RPA1: variants seen among roughly 807,000 people sequenced by gnomAD.
The protein encoded by RPA1 is replication protein A1.
A neutral mutation model predicts 83.0 loss-of-function variants in RPA1; 49 were observed. The observed-to-expected ratio is 0.59, with a 90% CI of 0.47 to 0.75. RPA1 has a LOEUF of 0.75. RPA1 is among the 30% of genes least tolerant of loss of function. The pLI, the probability that RPA1 is intolerant of heterozygous loss-of-function variation, is 0.00. For synonymous variants in RPA1, 279 were observed against 281.8 expected, an observed-to-expected ratio of 0.99 and a Z score of 0.10; for missense variants, 693 against 776.1, an observed-to-expected ratio of 0.89 and a Z score of 1.27.
intron 5 of RPA1, among the ~76,000 whole-genome samples, chr17:1,862,651 T>A (rs12952834): frequency 6.8e-6 from 1 of 146,008 alleles, no homozygotes; most frequent in Non-Finnish European, 1.5e-5. Flanking sequence ...TCCCCTGACC[T>A]CAAGTGATCC....
rs1914547270 is a variant in RPA1, at chr17:1,898,867, T to TC, written c.*1692_*1693insC. On this transcript the variant is annotated 3_prime_UTR_variant, in exon 17 of 17. Coordinates refer to ENST00000254719, the MANE Select transcript of RPA1 (RefSeq NM_002945.5). ...TGCTTATAAAGCATCGACGAGAAAA[T>TC]TACAGTCTTCAACCCTCTTCTGGAT... 2.0e-5 allele frequency: 3 copies of TC among 152,546 alleles called. No individual in the cohort carries two copies. The highest frequency in any genetic ancestry group is 2.0e-4 in the Admixed American group (3 of 15,280). 9.4% of individuals were successfully genotyped at this position (152,546 alleles called of 1,614,324 possible). A position where few individuals can be genotyped will look rare whatever the true frequency, so the allele number is the denominator to read the frequency against.
In RPA1 at chr17:1,877,241, A is replaced by G. The variant is rs1597449367; in HGVS notation, c.617A>G (p.Lys206Arg). The part of the protein sequence containing the change: ...KWTICARVTN[K>R]SQIRTWSNSR... ...ACCATTTGTGCTCGTGTTACCAACA[A>G]AAGTCAGATCCGTACCTGGAGCAAC... is the stretch of plus-strand genomic sequence containing the variant. The change falls in exon 8 of 17, where the codon AAA becomes AGA. Residue 206 changes from lysine to arginine, a missense_variant. Physicochemically the swap from Lys to Arg is conservative, Grantham distance 26. Transcript: ENST00000254719. The G allele has an allele frequency of 3.7e-6, 6 of 1,614,212 alleles. 1 individual carries two copies. In the South Asian group the frequency reaches 6.6e-5, roughly 18 times the overall value.
chr17:1,877,328 A>C lies in RPA1; in HGVS notation c.690+14A>C. 6.2e-7 allele frequency: 1 copy of C among 1,612,282 alleles called. No homozygotes were observed. The highest frequency in any genetic ancestry group is 8.5e-7 in the Non-Finnish European group (1 of 1,178,718). On this transcript the variant is annotated intron_variant, in intron 8 of 16. Transcript: ENST00000254719. ...GTTGACGAAAGTGTGAGTGTTTGTC[A>C]TGCTGGGGAGTGAGGGCAGTGGGCT...
rs11393139 is a variant in RPA1 at position 1,889,335 on chromosome 17, A to ATT, written c.1551+498_1551+499dup. Among the ~76,000 whole-genome samples, 732 of 146,900 alleles carry ATT rather than the reference A, an allele frequency of 5.0e-3. 5 individuals carry two copies. The highest frequency in any genetic ancestry group is 0.025 in the South Asian group (114 of 4,630). ...AAGTTGTAAAGTTGGGTTTAAAAAA[A>ATT]TTTTTTTTTTTTTTTAAGAAACAGG... On this transcript the variant is annotated intron_variant, in intron 14 of 16. Coordinates refer to ENST00000254719, the MANE Select transcript of RPA1 (RefSeq NM_002945.5).
chr17:1,880,435 C>T (rs1244215293), intron 11 of RPA1, 108 bp from the exon 12 acceptor site: 46 of 1,171,878 alleles, frequency 3.9e-5, no homozygotes, highest in Middle Eastern at 5.5e-4. Flanking sequence ...ATTCCATGTA[C>T]GCTGATTACA....
chr17:1,884,707 A>G lies in RPA1; in HGVS notation c.1374+763A>G, dbSNP rs1913927525. Reference sequence around the variant, plus strand: ...ACATCTCAAGAATTAAACACTGGACAGATCCTCGTTGTCCTGTCATGGGAC... The same window carrying G: ...ACATCTCAAGAATTAAACACTGGACGGATCCTCGTTGTCCTGTCATGGGAC... On this transcript the variant is annotated intron_variant, in intron 13 of 16. Transcript: ENST00000254719. This position sits in a 1 kb window ranked among gnomAD's most constrained non-coding sequence, Gnocchi z 4.1. Among the ~76,000 whole-genome samples, 4 of 152,246 alleles carry G rather than the reference A, an allele frequency of 2.6e-5. No individual in the cohort carries two copies.
intron 4 of RPA1, 25 bp downstream of exon 4, chr17:1,844,711 T>C (rs373413161): frequency 5.1e-6 from 8 of 1,562,020 alleles, no homozygotes; most frequent in Non-Finnish European, 7.0e-6. Context: ...TTTTTCTGTC[T>C]TATTGTATCG....
intron 4 of RPA1, among the ~76,000 whole-genome samples, chr17:1,852,252 TAATAA>T (rs1287436663): frequency 6.6e-6 from 1 of 152,118 alleles, no homozygotes; most frequent in African/African-American, 2.4e-5. Context: ...CGAGAGAGAA[TAATAA>T]AATAATCACT....
chr17:1,846,416 C>T (rs1912259216), intron 4 of RPA1, among the ~76,000 whole-genome samples: 2 of 148,718 alleles, frequency 1.3e-5, no homozygotes, highest in African/African-American at 4.9e-5. Context: ...CTCCCGGGCT[C>T]AGGTGATTCT....
intron 13 of RPA1, among the ~76,000 whole-genome samples, chr17:1,888,221 G>A (rs529332261): frequency 2.6e-5 from 4 of 152,320 alleles, no homozygotes; most frequent in South Asian, 2.1e-4. Flanking sequence ...GCCTAGACAC[G>A]ACTGCCGTGT....
Position 1,884,005 on chromosome 17 carries a change from A to G in RPA1, c.1374+61A>G. On this transcript the variant is annotated intron_variant, in intron 13 of 16. Transcript: ENST00000254719. The surrounding 1 kb of genome is among the most constrained non-coding windows in gnomAD (Gnocchi z 4.1). The stretch of plus-strand genomic sequence containing the variant: ...GTAAAGTGTGCAGAAGGATGGATTT[A>G]GAAACTTGGTTTCCAGCACCAGCTG... 6 of 1,596,322 alleles carry G rather than the reference A, an allele frequency of 3.8e-6. No individual in the cohort carries two copies. Among genetic ancestry groups the G allele is most frequent in the Non-Finnish European group, 4.3e-6 (5 of 1,168,794 alleles).
chr17:1,847,306 G>C (rs1221139996), intron 4 of RPA1, among the ~76,000 whole-genome samples: 1 of 152,194 alleles, frequency 6.6e-6, no homozygotes, highest in African/African-American at 2.4e-5. Flanking sequence ...ATCTTGGAGC[G>C]CTTAAGTGGT....
chr17:1,889,689 G>A (rs1163171175), intron 14 of RPA1, among the ~76,000 whole-genome samples: 5 of 152,060 alleles, frequency 3.3e-5, no homozygotes, highest in Middle Eastern at 3.4e-3. Context: ...AGAACTAGGC[G>A]ATAATAGCAG....
rs759379338 is a variant in RPA1, at chr17:1,879,641, A to T, written c.1034A>T (p.Asn345Ile). Residue 345 changes from asparagine (N) to isoleucine (I), a missense_variant, in exon 11 of 17, where the codon AAT becomes ATT. By Grantham distance (149) the Asn-to-Ile change is moderately radical. Coordinates refer to ENST00000254719, the MANE Select transcript of RPA1 (RefSeq NM_002945.5). ...AACAACAGAGAAGTTGCCAAGAGGA[A>T]TATCTACTTGATGGACACATCCGGG... is the stretch of plus-strand genomic sequence containing the variant. Reference protein sequence around the residue: ...RSNNREVAKRNIYLMDTSGKV... With the variant: ...RSNNREVAKRIIYLMDTSGKV... 3 of 1,614,240 alleles carry T rather than the reference A, an allele frequency of 1.9e-6. No individual in the cohort carries two copies. The African/African-American group carries it at 4.0e-5, about 22-fold the overall frequency.
intron 5 of RPA1, among the ~76,000 whole-genome samples, chr17:1,867,037 T>C (rs1000857585): frequency 6.6e-6 from 1 of 152,222 alleles, no homozygotes; most frequent in Non-Finnish European, 1.5e-5. Flanking sequence ...ATTATGCTCT[T>C]TCTAGAACTG....
intron 12 of RPA1, among the ~76,000 whole-genome samples, chr17:1,883,310 C>T (rs1259285900): frequency 2.0e-5 from 3 of 152,054 alleles, no homozygotes; most frequent in African/African-American, 7.2e-5. Flanking sequence ...ATTACAGGCA[C>T]CCACCACCAC....
chr17:1,863,698 G>T (rs1913072417), intron 5 of RPA1, among the ~76,000 whole-genome samples: 1 of 152,162 alleles, frequency 6.6e-6, no homozygotes, highest in African/African-American at 2.4e-5. Flanking sequence ...GTTTTTCTAT[G>T]AAACATATCT....
rs1455082802 is a variant in RPA1, at chr17:1,879,592, G to A, written c.985G>A (p.Ala329Thr). ...IIGICKSYED[A>T]TKITVRSNNR... The stretch of plus-strand genomic sequence containing the variant: ...CGGGATCTGCAAGAGCTATGAAGAC[G>A]CCACTAAAATCACAGTGAGGTCTAA... The change falls in exon 11 of 17, where the codon GCC becomes ACC. Residue 329 changes from alanine to threonine, a missense_variant. Transcript: ENST00000254719. 21 of 1,614,106 alleles carry A rather than the reference G, an allele frequency of 1.3e-5. No individual in the cohort carries two copies. Among genetic ancestry groups the A allele is most frequent in the East Asian group, 4.5e-5 (2 of 44,900 alleles).
At chr17:1,835,103 G>A (rs973286546) in intron 1 of RPA1, among the ~76,000 whole-genome samples, 13 of 151,864 alleles carry the variant, frequency 8.6e-5, no homozygotes, top group Non-Finnish European at 1.8e-4. Context: ...CTGCCGCCTC[G>A]GCTTCCCCAA....
Sources: allele counts gnomAD v4.1 joint callset (sites outside exome capture counted in the v4.1 genomes callset), GRCh38; gene constraint gnomAD v4.1.1; non-coding constraint Gnocchi (gnomAD v3.1); transcripts MANE v1.5; gene names NCBI Gene and HGNC (gene_info 2026-07-23, HGNC 2026-07-21).